RMDN2: variants seen among roughly 807,000 people sequenced by gnomAD.
The protein encoded by RMDN2 is regulator of microtubule dynamics 2.
Under a neutral mutation model 52.8 loss-of-function variants are expected in RMDN2, and 61 were observed. That is an observed-to-expected ratio of 1.16 (90% CI 0.94 to 1.43). The LOEUF (loss-of-function observed/expected upper bound fraction) is 1.43, where lower values mean the gene tolerates loss of function less well. Ranked by LOEUF, RMDN2 falls within the 40% of genes most tolerant of loss-of-function variation. The pLI is 0.00. For missense variants in RMDN2, 592 were observed against 475.3 expected (o/e 1.25, Z -2.28); for synonymous variants, 180 against 153.1 (o/e 1.18, Z -1.30).
intron 10 of RMDN2, among the ~76,000 whole-genome samples, chr2:38,025,460 G>A (rs762032964): frequency 6.6e-6 from 1 of 151,920 alleles, no homozygotes; most frequent in Non-Finnish European, 1.5e-5. Flanking sequence ...CTAATCTGAA[G>A]GTTTTGTTTT....
At chr2:37,951,742 C>G (rs1410868971) in intron 2 of RMDN2, 1 of 1,612,540 alleles carries the variant, frequency 6.2e-7, no homozygotes, top group African/African-American at 1.3e-5. Context: ...AAACATATAA[C>G]CATCTCTGCT....
At chr2:38,012,527 C>A in intron 10 of RMDN2, 1 of 449,154 alleles carries the variant, frequency 2.2e-6, no homozygotes, top group South Asian at 1.7e-5. Flanking sequence ...TGTAAGAAGG[C>A]TAGACATTGG....
chr2:38,059,357 A>G (rs999489800), intron 10 of RMDN2, among the ~76,000 whole-genome samples: 3 of 152,192 alleles, frequency 2.0e-5, no homozygotes, highest in Non-Finnish European at 4.4e-5. Context: ...TCATACCATC[A>G]GAATTTAAAA....
intron 2 of RMDN2, among the ~76,000 whole-genome samples, chr2:37,944,332 CAAA>C (rs55892088): frequency 2.6e-4 from 35 of 135,276 alleles, no homozygotes; most frequent in Non-Finnish European, 3.2e-4. Context: ...CAGCCAATCT[CAAA>C]AAAAAAAAAA....
At chr2:37,965,560 A>T (rs1670928158) in intron 2 of RMDN2, among the ~76,000 whole-genome samples, 1 of 152,078 alleles carries the variant, frequency 6.6e-6, no homozygotes, top group South Asian at 2.1e-4. Flanking sequence ...TTTATGTTGT[A>T]TTATCATTAA....
rs79471963 is a variant in RMDN2, at chr2:37,944,068, C to A, written c.452+14339C>A. On this transcript the variant is annotated intron_variant, in intron 2 of 10. Coordinates refer to ENST00000354545, the MANE Select transcript of RMDN2 (RefSeq NM_001170791.3). ...TGTTTACACATAGGGGAAAACAATT[C>A]CATTTATTAAACGTTTTGTGTAACT... Among the ~76,000 whole-genome samples the A allele has an allele frequency of 9.4e-3, 1,427 of 152,218 alleles. 10 individuals are homozygous for A. The highest frequency in any genetic ancestry group is 0.027 in the Middle Eastern group (8 of 294).
chr2:37,969,098 G>A (rs1364704329), intron 2 of RMDN2, among the ~76,000 whole-genome samples: 2 of 150,350 alleles, frequency 1.3e-5, no homozygotes, highest in African/African-American at 4.9e-5. Context: ...TTGTTGCCCA[G>A]TTTACCTGTT....
intron 10 of RMDN2, among the ~76,000 whole-genome samples, chr2:38,004,732 T>G (rs1676823811): frequency 6.6e-6 from 1 of 151,984 alleles, no homozygotes; most frequent in Non-Finnish European, 1.5e-5. Context: ...TTAGGGTACA[T>G]GTGCACAACA....
At chr2:37,943,651 AC>A (rs1351090942) in intron 2 of RMDN2, among the ~76,000 whole-genome samples, 4 of 152,208 alleles carry the variant, frequency 2.6e-5, no homozygotes, top group African/African-American at 9.7e-5. Flanking sequence ...GAATTGGCAA[AC>A]TTTTTCTGTA....
chr2:38,050,359 TA>T (rs368964616), intron 10 of RMDN2, among the ~76,000 whole-genome samples: 2,435 of 145,730 alleles, frequency 0.017, 61 homozygotes, highest in African/African-American at 0.057. Context: ...AAAAAAAAAA[TA>T]AAAAAAAAAC....
chr2:38,051,449 A>G (rs753652597), intron 10 of RMDN2, among the ~76,000 whole-genome samples: 2 of 152,198 alleles, frequency 1.3e-5, no homozygotes, highest in Non-Finnish European at 2.9e-5. Context: ...TACATGTGAT[A>G]TTCTGACACA....
chr2:37,984,856 T>C (rs4142168), intron 5 of RMDN2, among the ~76,000 whole-genome samples: 3 of 112,692 alleles, frequency 2.7e-5, no homozygotes, highest in Non-Finnish European at 5.6e-5. Context: ...GAAAAAAAAA[T>C]AAAATTAAGT....
chr2:37,950,646 T>A, intron 2 of RMDN2: 1 of 1,583,526 alleles, frequency 6.3e-7, no homozygotes, highest in Non-Finnish European at 8.7e-7. Context: ...ATTGAAAATA[T>A]TCATAAACGA....
chr2:37,954,444 G>C (rs1038266500), intron 2 of RMDN2, among the ~76,000 whole-genome samples: 1 of 152,000 alleles, frequency 6.6e-6, no homozygotes, highest in African/African-American at 2.4e-5. Flanking sequence ...AACACCATTT[G>C]TTGAAGAGAT....
chr2:37,963,909 C>CCA (rs903347934), intron 2 of RMDN2, among the ~76,000 whole-genome samples: 2 of 149,724 alleles, frequency 1.3e-5, no homozygotes, highest in Admixed American at 1.3e-4. Context: ...GAGGCGCCCC[C>CCA]CCACCTCCCG....
intron 10 of RMDN2, among the ~76,000 whole-genome samples, chr2:38,045,314 A>G (rs1338249231): frequency 1.3e-5 from 2 of 152,218 alleles, no homozygotes; most frequent in Non-Finnish European, 2.9e-5. Flanking sequence ...CATTTCTATG[A>G]CTATCAGAGG....
intron 10 of RMDN2, among the ~76,000 whole-genome samples, chr2:38,064,841 G>T (rs746507165): frequency 6.6e-6 from 1 of 152,022 alleles, no homozygotes; most frequent in Non-Finnish European, 1.5e-5. Context: ...TAAAAATAAA[G>T]AGGTCATGCC....
At chr2:38,056,663 T>A (rs1681865621) in intron 10 of RMDN2, among the ~76,000 whole-genome samples, 1 of 152,204 alleles carries the variant, frequency 6.6e-6, no homozygotes, top group Non-Finnish European at 1.5e-5. Context: ...TGTGACTAGA[T>A]AAGAGAATGA....
intron 10 of RMDN2, among the ~76,000 whole-genome samples, chr2:38,015,435 C>T (rs1316431841): frequency 6.6e-6 from 1 of 151,932 alleles, no homozygotes; most frequent in East Asian, 1.9e-4. Flanking sequence ...CATGGTAGCA[C>T]GTGCCTGTAG....
Sources: allele counts gnomAD v4.1 joint callset (sites outside exome capture counted in the v4.1 genomes callset), GRCh38; gene constraint gnomAD v4.1.1; transcripts MANE v1.5; gene names NCBI Gene and HGNC (gene_info 2026-07-23, HGNC 2026-07-21).